The following SCAF8 variants were observed in gnomAD, a reference collection of about 807,000 sequenced individuals.
SCAF8 encodes SR-related and CTD-associated factor 8.
Under a neutral mutation model 140.5 loss-of-function variants are expected in SCAF8, and 23 were observed. The ratio of observed to expected loss-of-function variants is 0.16; its 90% confidence interval spans 0.12 to 0.23. SCAF8 has a LOEUF of 0.23. Ranked by LOEUF, SCAF8 falls within the 10% of genes least tolerant of loss-of-function variation. The probability of loss-of-function intolerance (pLI) is 1.00; values close to 1 mark genes in which losing one functional copy is unlikely to be tolerated. For missense variants in SCAF8, 1,397 were observed against 1,555.7 expected, an observed-to-expected ratio of 0.90 and a Z score of 1.72; for synonymous variants, 575 against 528.9, an observed-to-expected ratio of 1.09 and a Z score of -1.20.
At chr6:154,820,640 C>T (rs545874813) in intron 15 of SCAF8, among the ~76,000 whole-genome samples, 1 of 152,018 alleles carries the variant, frequency 6.6e-6, no homozygotes, top group South Asian at 2.1e-4. Flanking sequence ...TTTCTAATTG[C>T]TTCAGTTTAA....
intron 15 of SCAF8, among the ~76,000 whole-genome samples, chr6:154,820,914 GA>G (rs1274016270): frequency 6.6e-6 from 1 of 151,990 alleles, no homozygotes; most frequent in Non-Finnish European, 1.5e-5. Flanking sequence ...CTAAACATTT[GA>G]AAAAGAACTG....
intron 18 of SCAF8, among the ~76,000 whole-genome samples, chr6:154,830,101 G>A (rs1426565403): frequency 6.6e-6 from 1 of 152,050 alleles, no homozygotes; most frequent in African/African-American, 2.4e-5. Flanking sequence ...GTTAATTAAT[G>A]GAAAAAGAGA....
rs1778445972 is a variant in SCAF8, at chr6:154,822,423, T to C, written c.1926+14T>C. The C allele has an allele frequency of 1.3e-6, 2 of 1,580,060 alleles. No individual in the cohort carries two copies. The highest frequency in any genetic ancestry group is 1.7e-6 in the Non-Finnish European group (2 of 1,169,272). On this transcript the variant is annotated intron_variant, in intron 16 of 19. Coordinates refer to ENST00000367178, the MANE Select transcript of SCAF8 (RefSeq NM_014892.5). ...GCTATGTTGCAGGTTAGTGTTGAAG[T>C]GGGGTTTTTTTTTTCTTGTGTTGTT...
chr6:154,781,591 C>G (rs528068797), intron 3 of SCAF8, among the ~76,000 whole-genome samples: 26 of 152,284 alleles, frequency 1.7e-4, no homozygotes, highest in African/African-American at 6.0e-4. Context: ...TCAAACTATA[C>G]TACAAGGCTA....
At chr6:154,776,819 T>C (rs995522849) in intron 2 of SCAF8, among the ~76,000 whole-genome samples, 1 of 152,142 alleles carries the variant, frequency 6.6e-6, no homozygotes, top group Non-Finnish European at 1.5e-5. Flanking sequence ...AGTGCTGAGG[T>C]TTAGTTGAAT....
intron 1 of SCAF8, 51 bp downstream of exon 1, chr6:154,733,981 C>T (rs765998826): frequency 1.9e-5 from 28 of 1,478,080 alleles, no homozygotes; most frequent in Non-Finnish European, 2.3e-5. Context: ...GCCCCCACCC[C>T]TGGTCGAGGC....
chr6:154,786,617 A>G (rs1055574744), intron 3 of SCAF8, among the ~76,000 whole-genome samples: 2 of 152,234 alleles, frequency 1.3e-5, no homozygotes, highest in African/African-American at 4.8e-5. Context: ...AGGCCCAGGA[A>G]TGACAAGGAC....
intron 1 of SCAF8, among the ~76,000 whole-genome samples, chr6:154,743,059 G>GT (rs1470055168): frequency 6.6e-6 from 1 of 152,084 alleles, no homozygotes; most frequent in Non-Finnish European, 1.5e-5. Flanking sequence ...CTCATTAGCA[G>GT]TTTGTGTATT....
chr6:154,827,824 TGGGGCGGGGCGG>T (rs1249289615), intron 18 of SCAF8, among the ~76,000 whole-genome samples: 1 of 40,456 alleles, frequency 2.5e-5, no homozygotes, highest in Non-Finnish European at 6.0e-5. Context: ...ACACCTTTTT[TGGGGCGGGGCGG>T]GGGGGGGGGC....
At chr6:154,826,344 ATTT>A (rs1170388714) in intron 17 of SCAF8, among the ~76,000 whole-genome samples, 1 of 151,930 alleles carries the variant, frequency 6.6e-6, no homozygotes, top group Non-Finnish European at 1.5e-5. Flanking sequence ...TTCTTTCCTT[ATTT>A]TTAGCCACTT....
intron 1 of SCAF8, chr6:154,742,161 A>G (rs1302288530): frequency 1.3e-5 from 7 of 554,198 alleles, no homozygotes; most frequent in African/African-American, 1.1e-4. Context: ...GGTAGTCTTA[A>G]AAGAGAGCGT....
intron 1 of SCAF8, among the ~76,000 whole-genome samples, chr6:154,773,285 C>T (rs1776824112): frequency 6.6e-6 from 1 of 152,186 alleles, no homozygotes; most frequent in South Asian, 2.1e-4. Context: ...CTGGATATTA[C>T]ATATAAATGG....
At chr6:154,827,871 C>G (rs955981156) in intron 18 of SCAF8, among the ~76,000 whole-genome samples, 7 of 148,556 alleles carry the variant, frequency 4.7e-5, no homozygotes, top group African/African-American at 1.7e-4. Context: ...TTTTTTAGAG[C>G]AGTTTTTTAG....
At chr6:154,743,505 CTTT>C (rs35256314) in intron 1 of SCAF8, among the ~76,000 whole-genome samples, 2 of 152,054 alleles carry the variant, frequency 1.3e-5, no homozygotes, top group African/African-American at 4.8e-5. Context: ...TTAAAGCAAA[CTTT>C]TTTAAGTACC....
rs182445739 is a variant in SCAF8 at position 154,770,816 on chromosome 6, C to G, written c.31-3173C>G. Among the ~76,000 whole-genome samples the G allele has an allele frequency of 4.3e-3, 648 of 152,224 alleles. 5 individuals are homozygous for G. Among genetic ancestry groups the G allele is most frequent in the African/African-American group, 0.014 (589 of 41,540 alleles). ...CTGGAGTGCGGTGGCGTAATCTAGG[C>G]CCACCGCAACCTCCATCTCCCAGGT... On this transcript the variant is annotated intron_variant, in intron 1 of 19. Transcript: ENST00000367178.
chr6:154,796,389 C>CTTTCTCTCTCTCTCTGTCTG (rs10679817), intron 6 of SCAF8, among the ~76,000 whole-genome samples: 2 of 140,968 alleles, frequency 1.4e-5, no homozygotes, highest in Admixed American at 1.4e-4. Context: ...CTCTCTCTCT[C>CTTTCTCTCTCTCTCTGTCTG]TCTGTCTCTC....
chr6:154,812,435 T>C (rs1210354995), intron 12 of SCAF8, among the ~76,000 whole-genome samples: 2 of 152,006 alleles, frequency 1.3e-5, no homozygotes, highest in Non-Finnish European at 2.9e-5. Flanking sequence ...AAGAACAACT[T>C]ATGTGCCTTA....
intron 6 of SCAF8, among the ~76,000 whole-genome samples, chr6:154,799,889 A>G (rs1224552402): frequency 1.3e-5 from 2 of 151,024 alleles, no homozygotes; most frequent in South Asian, 2.1e-4. Flanking sequence ...GGTTCAAGCA[A>G]TTCTCTTGCC....
intron 3 of SCAF8, among the ~76,000 whole-genome samples, chr6:154,783,042 ACCTTAGTTAT>A (rs1367152228): frequency 6.6e-6 from 1 of 152,094 alleles, no homozygotes; most frequent in Non-Finnish European, 1.5e-5. Context: ...TAACTAACTT[ACCTTAGTTAT>A]CCTGAATCCT....
Sources: allele counts gnomAD v4.1 joint callset (sites outside exome capture counted in the v4.1 genomes callset), GRCh38; gene constraint gnomAD v4.1.1; transcripts MANE v1.5; gene names NCBI Gene and HGNC (gene_info 2026-07-23, HGNC 2026-07-21).